The following SPOCK3 variants were observed in gnomAD, a reference collection of about 807,000 sequenced individuals.
SPOCK3 encodes SPARC (osteonectin), cwcv and kazal like domains proteoglycan 3.
SPOCK3 carries 30 observed loss-of-function variants against 56.6 expected under a neutral mutation model. The observed-to-expected ratio is 0.53, with a 90% CI of 0.40 to 0.72. SPOCK3 has a LOEUF of 0.72. Ranked by LOEUF, SPOCK3 falls within the 30% of genes least tolerant of loss-of-function variation. The probability of loss-of-function intolerance (pLI) is 0.00; values close to 1 mark genes in which losing one functional copy is unlikely to be tolerated. For synonymous variants in SPOCK3, 196 were observed against 183.3 expected, an observed-to-expected ratio of 1.07 and a Z score of -0.56; for missense variants, 527 against 530.0, an observed-to-expected ratio of 0.99 and a Z score of 0.06.
At chr4:166,850,126 T>C (rs1399196660) in intron 6 of SPOCK3, among the ~76,000 whole-genome samples, 2 of 152,236 alleles carry the variant, frequency 1.3e-5, no homozygotes, top group Non-Finnish European at 2.9e-5. Context: ...GATCATATGG[T>C]AATTCTATTG....
rs190592177 is a variant in SPOCK3 at position 166,890,825 on chromosome 4, G to C, written c.475-1581C>G. On this transcript the variant is annotated intron_variant, in intron 5 of 10. Transcript: ENST00000357545. ...AATATCCTTGTTAATTTTCTGTCTC[G>C]TTGATCTGTCTAAGATTGACAATGA... 3.9e-3 allele frequency among the ~76,000 whole-genome samples: 593 copies of C among 151,910 alleles called. 5 individuals are homozygous for C. The highest frequency in any genetic ancestry group is 0.014 in the African/African-American group (570 of 41,468).
intron 6 of SPOCK3, among the ~76,000 whole-genome samples, chr4:166,835,169 T>G (rs1746484898): frequency 6.6e-6 from 1 of 152,126 alleles, no homozygotes; most frequent in African/African-American, 2.4e-5. Context: ...TAAAGGTTTC[T>G]GAACTAATTG....
chr4:166,885,969 G>A (rs1002519440), intron 6 of SPOCK3, among the ~76,000 whole-genome samples: 2 of 152,058 alleles, frequency 1.3e-5, no homozygotes, highest in Admixed American at 6.5e-5. Context: ...TTGTTGTGTA[G>A]ACAATTTAAG....
At chr4:167,227,803 G>A (rs980848373) in intron 2 of SPOCK3, among the ~76,000 whole-genome samples, 8 of 152,122 alleles carry the variant, frequency 5.3e-5, no homozygotes, top group Admixed American at 2.0e-4. Context: ...ATGTCACTCT[G>A]AGTCACAATC....
chr4:167,182,543 G>A (rs1200062348), intron 2 of SPOCK3, among the ~76,000 whole-genome samples: 1 of 151,282 alleles, frequency 6.6e-6, no homozygotes, highest in East Asian at 1.9e-4. Context: ...CAGTTTTCAT[G>A]TTCTTTTTTT....
At chr4:166,813,620 G>A (rs1026680614) in intron 6 of SPOCK3, among the ~76,000 whole-genome samples, 5 of 151,256 alleles carry the variant, frequency 3.3e-5, no homozygotes, top group African/African-American at 1.2e-4. Flanking sequence ...ATATAATATT[G>A]TAAAATATAA....
At chr4:166,962,721 T>C (rs1744275711) in intron 4 of SPOCK3, among the ~76,000 whole-genome samples, 1 of 152,110 alleles carries the variant, frequency 6.6e-6, no homozygotes, top group Non-Finnish European at 1.5e-5. Context: ...CTACAAGGTC[T>C]CAGGGACAGA....
chr4:167,066,555 T>C (rs1756155570), intron 2 of SPOCK3, among the ~76,000 whole-genome samples: 1 of 151,904 alleles, frequency 6.6e-6, no homozygotes, highest in Non-Finnish European at 1.5e-5. Context: ...ATATTAAACA[T>C]TCAATTTTAA....
chr4:166,837,106 T>G (rs938104775), intron 6 of SPOCK3, among the ~76,000 whole-genome samples: 1 of 152,308 alleles, frequency 6.6e-6, no homozygotes, highest in Middle Eastern at 3.4e-3. Context: ...GAGGACTTTC[T>G]CCTTCCTTAT....
intron 3 of SPOCK3, among the ~76,000 whole-genome samples, chr4:167,015,656 T>A (rs982703826): frequency 6.6e-6 from 1 of 152,110 alleles, no homozygotes; most frequent in South Asian, 2.1e-4. Context: ...CAAAAAACAA[T>A]CCGTTGGAAA....
At chr4:167,092,660 A>G (rs941232071) in intron 2 of SPOCK3, among the ~76,000 whole-genome samples, 3 of 152,144 alleles carry the variant, frequency 2.0e-5, no homozygotes, top group Non-Finnish European at 4.4e-5. Context: ...GTAATTTGTA[A>G]ACTTTCTATT....
At chr4:166,846,807 T>C (rs1267423035) in intron 6 of SPOCK3, among the ~76,000 whole-genome samples, 3 of 152,144 alleles carry the variant, frequency 2.0e-5, no homozygotes, top group South Asian at 2.1e-4. Flanking sequence ...CAGAATATTG[T>C]AGTCTTTAAT....
chr4:166,944,801 C>CA (rs140885062), intron 4 of SPOCK3, among the ~76,000 whole-genome samples: 2,597 of 152,178 alleles, frequency 0.017, 40 homozygotes, highest in South Asian at 0.022. Context: ...CAGTATTCTT[C>CA]ACTCTAAAGT....
chr4:166,889,452 G>C (rs946818152), intron 5 of SPOCK3, among the ~76,000 whole-genome samples: 3 of 151,828 alleles, frequency 2.0e-5, no homozygotes, highest in Non-Finnish European at 4.4e-5. Context: ...CAGTTGCTTT[G>C]GGTATCATTT....
intron 2 of SPOCK3, among the ~76,000 whole-genome samples, chr4:167,231,521 T>C (rs1363474171): frequency 6.6e-6 from 1 of 152,150 alleles, no homozygotes; most frequent in South Asian, 2.1e-4. Context: ...GAGATATGAA[T>C]GCTCATGCAG....
chr4:166,905,374 T>G (rs775430368), intron 5 of SPOCK3, among the ~76,000 whole-genome samples: 1 of 152,002 alleles, frequency 6.6e-6, no homozygotes, highest in African/African-American at 2.4e-5. Flanking sequence ...AAAGTTAACA[T>G]GAAAATTCCA....
In SPOCK3 at chr4:166,752,615, T is replaced by C. The variant is rs558073412; in HGVS notation, c.931+1893A>G. ...ACACACACACACACACACACACACA[T>C]ATATTTATAGCTACAGTAAACAAGA... On this transcript the variant is annotated intron_variant, in intron 8 of 10. Transcript: ENST00000357545. Among the ~76,000 whole-genome samples the C allele has an allele frequency of 1.9e-3, 280 of 148,634 alleles. 2 individuals are homozygous for C. In the East Asian group the frequency reaches 0.038, roughly 20 times the overall value.
intron 2 of SPOCK3, among the ~76,000 whole-genome samples, chr4:167,088,461 CTTTT>C (rs538566191): frequency 2.2e-3 from 242 of 111,108 alleles, no homozygotes; most frequent in Middle Eastern, 4.7e-3. Flanking sequence ...CCTATGAAAA[CTTTT>C]TTTTTTTTTT....
chr4:167,033,214 C>G (rs1424955099), intron 3 of SPOCK3, among the ~76,000 whole-genome samples: 2 of 151,630 alleles, frequency 1.3e-5, no homozygotes, highest in East Asian at 3.9e-4. Context: ...AGGAATTCTT[C>G]CCTAGTGCCA....
Sources: gnomAD v4.1 joint callset for allele counts (sites outside exome capture counted in the v4.1 genomes callset) on GRCh38, gnomAD v4.1.1 for gene constraint, MANE v1.5 for transcripts, NCBI Gene and HGNC (gene_info 2026-07-23, HGNC 2026-07-21) for gene names.